The following SCAPER variants were observed in gnomAD, a reference collection of about 807,000 sequenced individuals.
SCAPER encodes the protein S phase cyclin A-associated protein in the endoplasmic reticulum.
In SCAPER, 98 loss-of-function variants were observed where a neutral mutation model predicts 182.2. The ratio of observed to expected loss-of-function variants is 0.54; its 90% CI spans 0.46 to 0.64. The LOEUF (loss-of-function observed/expected upper bound fraction) is 0.64. SCAPER is among the 30% of genes least tolerant of loss of function. SCAPER has a pLI of 0.00. For missense variants in SCAPER, 1,432 were observed against 1,690.0 expected, an observed-to-expected ratio of 0.85 and a Z score of 2.68; for synonymous variants, 605 against 564.6, an observed-to-expected ratio of 1.07 and a Z score of -1.01.
chr15:76,619,073 G>A (rs1021085826), intron 22 of SCAPER, among the ~76,000 whole-genome samples: 1 of 152,200 alleles, frequency 6.6e-6, no homozygotes, highest in African/African-American at 2.4e-5. Context: ...TTGAACTCCT[G>A]ATCTCAAGTG....
At chr15:76,617,987 G>GA (rs2051650982) in intron 22 of SCAPER, among the ~76,000 whole-genome samples, 1 of 152,166 alleles carries the variant, frequency 6.6e-6, no homozygotes, top group Non-Finnish European at 1.5e-5. Context: ...AGCTGGGCAT[G>GA]ATGGCTCACA....
intron 11 of SCAPER, among the ~76,000 whole-genome samples, chr15:76,766,080 C>CATTTATTTATTT (rs35954470): frequency 3.5e-4 from 52 of 148,490 alleles, no homozygotes; most frequent in East Asian, 9.9e-4. Flanking sequence ...ATCATTTGCT[C>CATTTATTTATTT]ATTTATTTAT....
At chr15:76,894,251 C>CAAA (rs35527863) in intron 1 of SCAPER, among the ~76,000 whole-genome samples, 1 of 145,012 alleles carries the variant, frequency 6.9e-6, no homozygotes, top group Non-Finnish European at 1.5e-5. Context: ...AATTTCAACT[C>CAAA]AAAAAAAAAA....
intron 27 of SCAPER, among the ~76,000 whole-genome samples, chr15:76,383,894 C>A (rs1304994752): frequency 6.6e-6 from 1 of 151,916 alleles, no homozygotes; most frequent in Non-Finnish European, 1.5e-5. Flanking sequence ...CTTGTATTGT[C>A]GAGGGGAGAT....
intron 27 of SCAPER, among the ~76,000 whole-genome samples, chr15:76,395,799 T>C (rs2044009047): frequency 6.6e-6 from 1 of 152,210 alleles, no homozygotes; most frequent in African/African-American, 2.4e-5. Flanking sequence ...CTGTGGATTG[T>C]CTCTTCACTT....
chr15:76,678,731 G>T (rs530332225), intron 20 of SCAPER, among the ~76,000 whole-genome samples: 1 of 151,840 alleles, frequency 6.6e-6, no homozygotes, highest in Non-Finnish European at 1.5e-5. Flanking sequence ...GAAAAATAAA[G>T]GAACACTCAC....
chr15:76,738,554 A>AC (rs1368694835), intron 15 of SCAPER, among the ~76,000 whole-genome samples: 10 of 151,184 alleles, frequency 6.6e-5, no homozygotes, highest in Non-Finnish European at 1.2e-4. Flanking sequence ...AAAAAAAAAA[A>AC]GACTTAGGAG....
chr15:76,495,729 A>C (rs1181466101), intron 24 of SCAPER, among the ~76,000 whole-genome samples: 1 of 152,104 alleles, frequency 6.6e-6, no homozygotes, highest in African/African-American at 2.4e-5. Flanking sequence ...ACAAAACTGC[A>C]ACTCCAAAAT....
intron 8 of SCAPER, among the ~76,000 whole-genome samples, chr15:76,779,023 C>T (rs2063924115): frequency 6.6e-6 from 1 of 151,754 alleles, no homozygotes; most frequent in Admixed American, 6.6e-5. Flanking sequence ...AGTATCATTC[C>T]ATAATGAACA....
chr15:76,348,469 C>G lies in SCAPER; in HGVS notation c.*164G>C, dbSNP rs1385553732. 1 of 447,128 alleles carries G rather than the reference C, an allele frequency of 2.2e-6. No homozygotes were observed. Among genetic ancestry groups the G allele is most frequent in the Non-Finnish European group, 4.0e-6 (1 of 248,720 alleles). 27.7% of individuals were successfully genotyped at this position (447,128 alleles called of 1,614,324 possible). A position where few individuals can be genotyped will look rare whatever the true frequency, so the allele number is the denominator to read the frequency against. On this transcript the variant is annotated 3_prime_UTR_variant, in exon 32 of 32. Transcript: ENST00000563290. The stretch of plus-strand genomic sequence containing the variant: ...TTGCAAAATTAGCAAGTAGAACATT[C>G]AAGTATCTACAGTCATTATAAATAG...
At chr15:76,526,910 C>T (rs534540033) in intron 23 of SCAPER, among the ~76,000 whole-genome samples, 5 of 151,092 alleles carry the variant, frequency 3.3e-5, no homozygotes, top group African/African-American at 9.7e-5. Context: ...CTGCTCTTGT[C>T]GCCCAGGCTG....
At chr15:76,794,275 G>A (rs1430476713) in intron 8 of SCAPER, among the ~76,000 whole-genome samples, 5 of 152,146 alleles carry the variant, frequency 3.3e-5, no homozygotes, top group Non-Finnish European at 5.9e-5. Flanking sequence ...TGCTTTAAAC[G>A]AAACTGTGAT....
At chr15:76,840,703 T>A (rs1279483581) in intron 5 of SCAPER, among the ~76,000 whole-genome samples, 1 of 152,226 alleles carries the variant, frequency 6.6e-6, no homozygotes, top group African/African-American at 2.4e-5. Context: ...ACAGAAGTTA[T>A]CTCTTTAATA....
At chr15:76,654,246 C>T (rs866850687) in intron 21 of SCAPER, among the ~76,000 whole-genome samples, 7 of 151,902 alleles carry the variant, frequency 4.6e-5, no homozygotes, top group Admixed American at 1.3e-4. Context: ...ACTAAAACTA[C>T]GAAAACAAAA....
At chr15:76,818,372 T>C (rs1265722505) in intron 5 of SCAPER, among the ~76,000 whole-genome samples, 9 of 152,068 alleles carry the variant, frequency 5.9e-5, no homozygotes, top group Admixed American at 5.9e-4. Context: ...GGAAAAAACC[T>C]AGATGGTCTT....
chr15:76,554,588 T>TAA (rs1218347352), intron 23 of SCAPER, among the ~76,000 whole-genome samples: 2 of 152,056 alleles, frequency 1.3e-5, no homozygotes, highest in Non-Finnish European at 2.9e-5. Flanking sequence ...ACCTCCAGCT[T>TAA]AAGTTCTTTC....
chr15:76,413,290 C>A (rs970397265), intron 26 of SCAPER, among the ~76,000 whole-genome samples: 8 of 152,128 alleles, frequency 5.3e-5, no homozygotes, highest in African/African-American at 1.7e-4. Context: ...TGAGGGTAAA[C>A]AGTCTGTGTA....
At chr15:76,607,483 C>T (rs1201207599) in intron 22 of SCAPER, among the ~76,000 whole-genome samples, 3 of 152,100 alleles carry the variant, frequency 2.0e-5, no homozygotes, top group Non-Finnish European at 2.9e-5. Context: ...GTGAATCTGA[C>T]AATTTTGTGT....
intron 20 of SCAPER, among the ~76,000 whole-genome samples, chr15:76,685,448 C>A (rs1403494622): frequency 1.3e-5 from 2 of 151,904 alleles, no homozygotes; most frequent in Non-Finnish European, 2.9e-5. Flanking sequence ...AAGAGTTTAA[C>A]AAGAGGGCTA....
Sources: allele counts gnomAD v4.1 joint callset (sites outside exome capture counted in the v4.1 genomes callset), GRCh38; gene constraint gnomAD v4.1.1; transcripts MANE v1.5; gene names NCBI Gene and HGNC (gene_info 2026-07-23, HGNC 2026-07-21).